ZBTB20: variants seen among roughly 807,000 people sequenced by gnomAD.
ZBTB20 encodes zinc finger and BTB domain-containing protein 20.
In ZBTB20, 9 loss-of-function variants were observed where a neutral mutation model predicts 56.9. That is an observed-to-expected ratio of 0.16 (90% CI 0.10 to 0.28). The LOEUF (loss-of-function observed/expected upper bound fraction) is 0.28. ZBTB20 is among the 10% of genes least tolerant of loss of function. The probability of loss-of-function intolerance (pLI) is 1.00; values close to 1 mark genes in which losing one functional copy is unlikely to be tolerated. For synonymous variants in ZBTB20, 417 were observed against 420.7 expected (o/e 0.99, Z 0.11); for missense variants, 655 against 1,003.0 (o/e 0.65, Z 4.69).
intron 5 of ZBTB20, among the ~76,000 whole-genome samples, chr3:114,783,349 G>T (rs1397930303): frequency 6.6e-6 from 1 of 151,982 alleles, no homozygotes; most frequent in Non-Finnish European, 1.5e-5. Context: ...GCCACATCTG[G>T]GTCTTACTTA....
At chr3:114,379,187 TA>T (rs1308042791) in intron 10 of ZBTB20, 3 of 152,254 alleles carry the variant, frequency 2.0e-5, no homozygotes, top group Non-Finnish European at 4.4e-5. Flanking sequence ...CATTTCCTAA[TA>T]ATTTTTGTCT....
chr3:114,355,217 G>C (rs2081120418), intron 10 of ZBTB20, among the ~76,000 whole-genome samples: 1 of 151,966 alleles, frequency 6.6e-6, no homozygotes, highest in Admixed American at 6.5e-5. Context: ...GACCAGATTG[G>C]ATTGCAAATT....
intron 5 of ZBTB20, among the ~76,000 whole-genome samples, chr3:114,731,027 A>G (rs6787016): frequency 6.6e-6 from 1 of 152,172 alleles, no homozygotes; most frequent in Non-Finnish European, 1.5e-5. Context: ...AGGCTGCTAC[A>G]AAGTTAGTGT....
At chr3:114,607,030 A>G (rs2057217160) in intron 6 of ZBTB20, among the ~76,000 whole-genome samples, 1 of 151,870 alleles carries the variant, frequency 6.6e-6, no homozygotes, top group Admixed American at 6.6e-5. Context: ...CCCAGGAGGC[A>G]CAGGTTGCAG....
intron 2 of ZBTB20, among the ~76,000 whole-genome samples, chr3:114,990,228 T>C (rs2078741864): frequency 6.6e-6 from 1 of 152,198 alleles, no homozygotes; most frequent in Admixed American, 6.5e-5. Context: ...AGTATGATAT[T>C]GGCTGTGGGT....
At chr3:114,560,724 T>A (rs2051917301) in intron 6 of ZBTB20, among the ~76,000 whole-genome samples, 1 of 152,186 alleles carries the variant, frequency 6.6e-6, no homozygotes, top group Non-Finnish European at 1.5e-5. Flanking sequence ...TGGAGGGTCT[T>A]GCTTTGATGT....
intron 2 of ZBTB20, among the ~76,000 whole-genome samples, chr3:115,024,632 A>G (rs1394521790): frequency 1.3e-5 from 2 of 151,088 alleles, no homozygotes; most frequent in East Asian, 3.9e-4. Flanking sequence ...TTGCATTTTA[A>G]CAAGTCAGTC....
At chr3:115,033,331 A>G (rs1346282178) in intron 2 of ZBTB20, among the ~76,000 whole-genome samples, 1 of 151,624 alleles carries the variant, frequency 6.6e-6, no homozygotes, top group Non-Finnish European at 1.5e-5. Context: ...GAAAATCTGA[A>G]TAGACCTATA....
intron 5 of ZBTB20, among the ~76,000 whole-genome samples, chr3:114,739,374 C>T (rs376910845): frequency 1.4e-4 from 22 of 152,298 alleles, no homozygotes; most frequent in African/African-American, 4.3e-4. Flanking sequence ...ACATAACAAA[C>T]GTGATCATGT....
chr3:114,478,029 G>A (rs1262182162), intron 7 of ZBTB20, among the ~76,000 whole-genome samples: 1 of 136,824 alleles, frequency 7.3e-6, no homozygotes, highest in East Asian at 2.5e-4. Context: ...TGCCCAGGCT[G>A]CAGTGCAATG....
chr3:114,442,221 C>A (rs2108968960), intron 7 of ZBTB20, among the ~76,000 whole-genome samples: 1 of 152,270 alleles, frequency 6.6e-6, no homozygotes, highest in East Asian at 1.9e-4. Context: ...CTGTTGTGGA[C>A]TCAGGACTCA....
intron 2 of ZBTB20, among the ~76,000 whole-genome samples, chr3:115,006,460 GATAT>G (rs142153634): frequency 4.2e-5 from 6 of 144,320 alleles, no homozygotes; most frequent in East Asian, 2.0e-4. Context: ...TATCCAGTTG[GATAT>G]ATATATATAT....
chr3:115,134,489 T>A (rs80047738), intron 1 of ZBTB20, among the ~76,000 whole-genome samples: 1 of 152,176 alleles, frequency 6.6e-6, no homozygotes, highest in Non-Finnish European at 1.5e-5. Context: ...TCATCTTTTT[T>A]TTTTCAATAT....
rs557797885 is a variant in ZBTB20 at position 115,067,712 on chromosome 3, T to C, written c.-507+3507A>G. On this transcript the variant is annotated intron_variant, in intron 2 of 11. Coordinates refer to ENST00000675478, the MANE Select transcript of ZBTB20 (RefSeq NM_001348800.3). ...TATTCAAACTGGCTTCTAAGCAAAA[T>C]AGAACAGAAACATTGCACATGCACA... 2.6e-5 allele frequency among the ~76,000 whole-genome samples: 4 copies of C among 152,226 alleles called. No homozygotes were observed. The East Asian group carries it at 7.7e-4, about 29-fold the overall frequency.
rs571297000 is a variant in ZBTB20 at position 115,112,826 on chromosome 3, T to C, written c.-703+34393A>G. ...TTGAGGGGGATACTCAATAGAGAGA[T>C]TGCAATAGAGAGATCTGTTTTTCAT... On this transcript the variant is annotated intron_variant, in intron 1 of 11. Coordinates refer to ENST00000675478, the MANE Select transcript of ZBTB20 (RefSeq NM_001348800.3). Among the ~76,000 whole-genome samples, 7 of 152,254 alleles carry C rather than the reference T, an allele frequency of 4.6e-5. No homozygotes were observed. In the East Asian group the frequency reaches 5.8e-4, roughly 13 times the overall value.
At chr3:114,954,256 G>A (rs1275197384) in intron 3 of ZBTB20, among the ~76,000 whole-genome samples, 1 of 152,000 alleles carries the variant, frequency 6.6e-6, no homozygotes, top group African/African-American at 2.4e-5. Flanking sequence ...AAAGGTACGT[G>A]GTACTTGCTT....
At chr3:115,113,492 T>C (rs905548757) in intron 1 of ZBTB20, among the ~76,000 whole-genome samples, 4 of 152,326 alleles carry the variant, frequency 2.6e-5, no homozygotes, top group Non-Finnish European at 2.9e-5. Flanking sequence ...ATCTCAGCAA[T>C]GGTGCTCCAA....
chr3:114,615,489 T>C (rs1227843791), intron 6 of ZBTB20, among the ~76,000 whole-genome samples: 1 of 152,138 alleles, frequency 6.6e-6, no homozygotes, highest in East Asian at 1.9e-4. Flanking sequence ...CACAGGTAAA[T>C]GTAAAAGTTC....
At chr3:114,381,108 G>C (rs1444592493) in intron 8 of ZBTB20, among the ~76,000 whole-genome samples, 168 bp from the exon 9 acceptor site, 1 of 152,140 alleles carries the variant, frequency 6.6e-6, no homozygotes, top group Non-Finnish European at 1.5e-5. Flanking sequence ...ACGGATGAGG[G>C]GGTAGTGATG....
Sources: allele counts gnomAD v4.1 joint callset (sites outside exome capture counted in the v4.1 genomes callset), GRCh38; gene constraint gnomAD v4.1.1; transcripts MANE v1.5; gene names NCBI Gene and HGNC (gene_info 2026-07-23, HGNC 2026-07-21).